FBXO36: variants seen among roughly 807,000 people sequenced by gnomAD.
FBXO36 encodes F-box only protein 36.
FBXO36 carries 18 observed loss-of-function variants against 17.0 expected under a neutral mutation model. The observed-to-expected ratio is 1.06, with a 90% CI of 0.73 to 1.57. FBXO36 has a LOEUF of 1.57. Ranked by LOEUF, FBXO36 falls within the 40% of genes most tolerant of loss-of-function variation. The probability of loss-of-function intolerance (pLI) is 0.00; values close to 1 mark genes in which losing one functional copy is unlikely to be tolerated. For synonymous variants in FBXO36, 83 were observed against 85.3 expected (o/e 0.97, Z 0.15); for missense variants, 229 against 221.9 (o/e 1.03, Z -0.20).
At chr2:229,964,406 G>C (rs2077140194) in intron 1 of FBXO36, among the ~76,000 whole-genome samples, 1 of 151,716 alleles carries the variant, frequency 6.6e-6, no homozygotes, top group East Asian at 1.9e-4. Flanking sequence ...TTTTTTCTTT[G>C]TTAACATGCC....
intron 3 of FBXO36, among the ~76,000 whole-genome samples, chr2:230,008,027 C>T (rs558730933): frequency 6.6e-6 from 1 of 152,290 alleles, no homozygotes; most frequent in African/African-American, 2.4e-5. Flanking sequence ...CTGTGCTCAT[C>T]CTGGCCCAAG....
Position 230,011,083 on chromosome 2 carries a change from G to A in FBXO36, c.*199G>A, listed in dbSNP as rs2077413473. ...TTGCTAGAGTCACCGTCATTCTGAG[G>A]TCAAATCATGGCCCGAGGACAAGGG... is the stretch of plus-strand genomic sequence containing the variant. On this transcript the variant is annotated 3_prime_UTR_variant, in exon 4 of 4. Transcript: ENST00000283946. 1.8e-6 allele frequency: 1 copy of A among 555,000 alleles called. No individual in the cohort carries two copies. The highest frequency in any genetic ancestry group is 3.2e-5 in the Admixed American group (1 of 31,286). The allele number at this position is 555,000 out of a possible 1,614,324, so 34.4% of individuals were successfully genotyped here.
chr2:229,925,909 T>C (rs1013000715), intron 1 of FBXO36, among the ~76,000 whole-genome samples: 1 of 152,240 alleles, frequency 6.6e-6, no homozygotes. Flanking sequence ...GGATTACAGC[T>C]TGGGGTCAGT....
chr2:229,992,601 C>G (rs191071670), intron 2 of FBXO36, among the ~76,000 whole-genome samples: 1 of 152,336 alleles, frequency 6.6e-6, no homozygotes, highest in Non-Finnish European at 1.5e-5. Flanking sequence ...ATCAAAGCCA[C>G]TCTTACATTT....
chr2:230,003,537 CTTT>C (rs11307090), intron 3 of FBXO36, among the ~76,000 whole-genome samples: 3 of 145,788 alleles, frequency 2.1e-5, no homozygotes. Context: ...TGTTCTTCTT[CTTT>C]TTTTTTTTTT....
chr2:230,010,679 A>C lies in FBXO36; in HGVS notation c.379-17A>C. 6.3e-7 allele frequency: 1 copy of C among 1,589,968 alleles called. No homozygotes were observed. Among genetic ancestry groups the C allele is most frequent in the Non-Finnish European group, 8.6e-7 (1 of 1,163,340 alleles). Reference sequence around the variant, plus strand: ...ACATGTGTGCTGTAACCCACCTCTGACTTTTCCCACCCACAGCTGTGCATG... The same window carrying C: ...ACATGTGTGCTGTAACCCACCTCTGCCTTTTCCCACCCACAGCTGTGCATG... On this transcript the variant is annotated splice_polypyrimidine_tract_variant and intron_variant, in intron 3 of 3. Coordinates refer to ENST00000283946, the MANE Select transcript of FBXO36 (RefSeq NM_174899.5).
intron 2 of FBXO36, chr2:229,977,179 G>A (rs1407909233): frequency 1.3e-5 from 2 of 151,890 alleles, no homozygotes; most frequent in African/African-American, 2.4e-5. Flanking sequence ...AAAAAATTTT[G>A]TAGAGCCAGG....
intron 1 of FBXO36, among the ~76,000 whole-genome samples, chr2:229,931,787 C>T (rs1484894815): frequency 6.6e-6 from 1 of 152,120 alleles, no homozygotes; most frequent in African/African-American, 2.4e-5. Context: ...TGCAGTGAGC[C>T]AAGATCGTGC....
intron 2 of FBXO36, among the ~76,000 whole-genome samples, chr2:229,978,899 G>A (rs548495401): frequency 6.6e-5 from 10 of 152,156 alleles, no homozygotes; most frequent in East Asian, 1.9e-4. Flanking sequence ...TATTTAGGCC[G>A]AGCACAGTGG....
intron 3 of FBXO36, among the ~76,000 whole-genome samples, chr2:230,007,516 G>T (rs921972954): frequency 6.6e-6 from 1 of 152,132 alleles, no homozygotes. Flanking sequence ...CATCTGGCTT[G>T]GTAGATCTGA....
intron 2 of FBXO36, among the ~76,000 whole-genome samples, chr2:229,985,810 A>G (rs2077265117): frequency 6.6e-6 from 1 of 152,186 alleles, no homozygotes; most frequent in Non-Finnish European, 1.5e-5. Context: ...GCACTTTGGG[A>G]GGCAAAGGTG....
At chr2:229,935,362 C>T (rs2106157020) in intron 1 of FBXO36, among the ~76,000 whole-genome samples, 1 of 152,190 alleles carries the variant, frequency 6.6e-6, no homozygotes, top group South Asian at 2.1e-4. Flanking sequence ...CAATATCAAA[C>T]ATTAGCCAGA....
chr2:229,982,778 CAAA>C (rs58999886), intron 2 of FBXO36, among the ~76,000 whole-genome samples: 30 of 78,716 alleles, frequency 3.8e-4, no homozygotes, highest in Admixed American at 4.2e-4. Flanking sequence ...GAGCTTGTCT[CAAA>C]AAAAAAAAAA....
Position 229,975,469 on chromosome 2 carries a change from A to T in FBXO36, c.97-772A>T, listed in dbSNP as rs1313864254. 4.3e-5 allele frequency among the ~76,000 whole-genome samples: 6 copies of T among 140,548 alleles called. No homozygotes were observed. The South Asian group carries it at 1.4e-3, about 32-fold the overall frequency. 92.2% of individuals were successfully genotyped at this position (140,548 alleles called of 152,430 possible). A position where few individuals can be genotyped will look rare whatever the true frequency, so the allele number is the denominator to read the frequency against. On this transcript the variant is annotated intron_variant, in intron 1 of 3. Coordinates refer to ENST00000283946, the MANE Select transcript of FBXO36 (RefSeq NM_174899.5). ...ATTTTAACATCAATTGACCTGATGG[A>T]TTTTTTTTTTTTTTTTTGAGACAGG...
At chr2:229,972,585 A>G (rs1560445920) in intron 1 of FBXO36, among the ~76,000 whole-genome samples, 1 of 151,798 alleles carries the variant, frequency 6.6e-6, no homozygotes, top group African/African-American at 2.4e-5. Flanking sequence ...TATGGAGCAT[A>G]CTCTGTGTCT....
intron 2 of FBXO36, among the ~76,000 whole-genome samples, chr2:229,993,856 C>G (rs769464103): frequency 2.0e-5 from 3 of 152,024 alleles, no homozygotes; most frequent in Non-Finnish European, 4.4e-5. Context: ...CTGCAACCTC[C>G]GCCATTCTCC....
chr2:229,974,525 G>T (rs957181293), intron 1 of FBXO36, among the ~76,000 whole-genome samples: 5 of 152,140 alleles, frequency 3.3e-5, no homozygotes, highest in Non-Finnish European at 7.3e-5. Flanking sequence ...GAAATGAATG[G>T]TATGCAAGAT....
intron 1 of FBXO36, among the ~76,000 whole-genome samples, chr2:229,941,838 G>A (rs1365740837): frequency 2.0e-5 from 3 of 151,990 alleles, no homozygotes; most frequent in Non-Finnish European, 4.4e-5. Context: ...CCAACATGGC[G>A]AAACCCTGTC....
intron 1 of FBXO36, among the ~76,000 whole-genome samples, chr2:229,929,390 C>T (rs189646106): frequency 1.2e-4 from 18 of 151,688 alleles, no homozygotes; most frequent in Admixed American, 8.6e-4. Flanking sequence ...GGTGAAACCC[C>T]GTCTCTACTA....
Sources: allele counts gnomAD v4.1 joint callset (sites outside exome capture counted in the v4.1 genomes callset), GRCh38; gene constraint gnomAD v4.1.1; transcripts MANE v1.5; gene names NCBI Gene and HGNC (gene_info 2026-07-23, HGNC 2026-07-21).